ELAVL4: variants seen among roughly 807,000 people sequenced by gnomAD.
ELAVL4 encodes ELAV-like protein 4.
In ELAVL4, 1 loss-of-function variant was observed where a neutral mutation model predicts 35.6. That is an observed-to-expected ratio of 0.03 (90% confidence interval 0.01 to 0.13). The LOEUF is 0.13. Ranked by LOEUF, ELAVL4 falls within the 10% of genes least tolerant of loss-of-function variation. The pLI is 1.00. For missense variants in ELAVL4, 267 were observed against 464.9 expected (o/e 0.57, Z 3.91); for synonymous variants, 156 against 171.0 (o/e 0.91, Z 0.69).
intron 2 of ELAVL4, among the ~76,000 whole-genome samples, chr1:50,169,427 C>G (rs1445623768): frequency 6.6e-6 from 1 of 152,108 alleles, no homozygotes; most frequent in Non-Finnish European, 1.5e-5. Flanking sequence ...AATCGCAACT[C>G]CACCCCCTAC....
chr1:50,192,147 G>A (rs1682751602), intron 3 of ELAVL4, among the ~76,000 whole-genome samples: 1 of 152,180 alleles, frequency 6.6e-6, no homozygotes, highest in African/African-American at 2.4e-5. Flanking sequence ...CATGTGCTGA[G>A]AAGGAGCCCA....
intron 1 of ELAVL4, among the ~76,000 whole-genome samples, chr1:50,136,146 T>A (rs1054400360): frequency 2.0e-5 from 3 of 152,030 alleles, no homozygotes; most frequent in Non-Finnish European, 4.4e-5. Flanking sequence ...AAATATGAAA[T>A]TGGGGAATTG....
chr1:50,100,512 C>T (rs908394162), upstream of ELAVL4, among the ~76,000 whole-genome samples: 1 of 152,140 alleles, frequency 6.6e-6, no homozygotes. Context: ...CTTTGGATCT[C>T]GCCTCAGTTC....
At chr1:50,109,324 A>G (rs1666670851) in intron 1 of ELAVL4, 126 bp downstream of exon 1, 2 of 993,446 alleles carry the variant, frequency 2.0e-6, no homozygotes, top group Admixed American at 4.7e-5. Flanking sequence ...TCCTACATTT[A>G]CTATCTCTTT....
intron 1 of ELAVL4, among the ~76,000 whole-genome samples, chr1:50,135,518 C>A (rs1178408355): frequency 1.3e-5 from 2 of 152,180 alleles, no homozygotes. Flanking sequence ...GCCATCCTCC[C>A]AGCTTCAACC....
chr1:50,100,664 A>G (rs1665931263), upstream of ELAVL4, among the ~76,000 whole-genome samples: 1 of 152,122 alleles, frequency 6.6e-6, no homozygotes, highest in Non-Finnish European at 1.5e-5. Flanking sequence ...CTCCTTCCCA[A>G]TCAGATTTTA....
chr1:50,133,432 C>T (rs1671198626), intron 1 of ELAVL4, among the ~76,000 whole-genome samples: 1 of 152,084 alleles, frequency 6.6e-6, no homozygotes, highest in African/African-American at 2.4e-5. Context: ...CAGTTTTACT[C>T]CTGCCTCCAC....
At chr1:50,069,732 T>C (rs901155789) in intron 1 of ELAVL4, among the ~76,000 whole-genome samples, 5 of 152,212 alleles carry the variant, frequency 3.3e-5, no homozygotes, top group African/African-American at 4.8e-5. Flanking sequence ...AGCATCATAC[T>C]AAGTACTTTA....
chr1:50,130,324 G>A (rs12567124), intron 1 of ELAVL4, among the ~76,000 whole-genome samples: 56,814 of 151,938 alleles, frequency 0.37, 11,207 homozygotes, highest in East Asian at 0.77. Flanking sequence ...TCAAGTTACA[G>A]TCCTAGTTAA....
At chr1:50,195,492 A>G in intron 4 of ELAVL4, 69 bp from the exon 5 acceptor site, 1 of 1,559,966 alleles carries the variant, frequency 6.4e-7, no homozygotes, top group Non-Finnish European at 8.8e-7. Context: ...CACAGGACCC[A>G]TCTCTTCCCA....
chr1:50,105,536 A>G (rs1666230331), upstream of ELAVL4, among the ~76,000 whole-genome samples: 1 of 152,154 alleles, frequency 6.6e-6, no homozygotes, highest in African/African-American at 2.4e-5. Context: ...CTCATGTCAC[A>G]TTTTACACCC....
At chr1:50,080,951 A>G (rs1664981587) in intron 1 of ELAVL4, among the ~76,000 whole-genome samples, 1 of 152,222 alleles carries the variant, frequency 6.6e-6, no homozygotes, top group Non-Finnish European at 1.5e-5. Flanking sequence ...ATACTCGGTT[A>G]TATGTATCTC....
chr1:50,153,714 G>C (rs1017157236), intron 2 of ELAVL4, among the ~76,000 whole-genome samples: 1 of 152,136 alleles, frequency 6.6e-6, no homozygotes, highest in Admixed American at 6.5e-5. Context: ...TTATGTCCCC[G>C]CAAAATTCTT....
chr1:50,187,384 T>A (rs1681994954), intron 3 of ELAVL4, among the ~76,000 whole-genome samples: 1 of 152,202 alleles, frequency 6.6e-6, no homozygotes, highest in South Asian at 2.1e-4. Context: ...AAGTCTTAAA[T>A]GCATTTTCTT....
chr1:50,150,498 C>G (rs1232958171), intron 2 of ELAVL4, among the ~76,000 whole-genome samples: 1 of 152,174 alleles, frequency 6.6e-6, no homozygotes, highest in Non-Finnish European at 1.5e-5. Context: ...TGCTAACAAT[C>G]CTGAGCGTGT....
intron 1 of ELAVL4, among the ~76,000 whole-genome samples, chr1:50,062,309 C>A (rs1314913322): frequency 6.6e-6 from 1 of 151,998 alleles, no homozygotes; most frequent in African/African-American, 2.4e-5. Flanking sequence ...AGAGGAGGGA[C>A]CTAATTTGTG....
Position 50,154,861 on chromosome 1 carries a change from T to C in ELAVL4, c.250+9664T>C, listed in dbSNP as rs139774583. 1.0e-3 allele frequency among the ~76,000 whole-genome samples: 155 copies of C among 152,090 alleles called. 3 individuals carry two copies. The East Asian group carries it at 0.028, about 27-fold the overall frequency. On this transcript the variant is annotated intron_variant, in intron 2 of 6. Coordinates refer to ENST00000371824, the MANE Select transcript of ELAVL4 (RefSeq NM_001144774.3). The stretch of plus-strand genomic sequence containing the variant: ...TCCAAAAAGGATTTTCATTGGCTTA[T>C]TAGATAGTATGGAAAAAACTAAAAT...
chr1:50,178,783 G>T (rs900674780), intron 3 of ELAVL4, among the ~76,000 whole-genome samples: 1 of 152,166 alleles, frequency 6.6e-6, no homozygotes, highest in African/African-American at 2.4e-5. Flanking sequence ...ACTGAGAGCT[G>T]TATTTGTAGG....
intron 2 of ELAVL4, among the ~76,000 whole-genome samples, chr1:50,148,416 T>A (rs780109925): frequency 6.6e-6 from 1 of 152,228 alleles, no homozygotes; most frequent in Non-Finnish European, 1.5e-5. Flanking sequence ...ACAATATTTA[T>A]CATCCTCTGG....
Sources: gnomAD v4.1 joint callset for allele counts (sites outside exome capture counted in the v4.1 genomes callset) on GRCh38, gnomAD v4.1.1 for gene constraint, MANE v1.5 for transcripts, NCBI Gene and HGNC (gene_info 2026-07-23, HGNC 2026-07-21) for gene names.